The following PRSS23 variants were observed in gnomAD, a reference collection of about 807,000 sequenced individuals.
PRSS23 encodes the protein serine protease 23, also known as protease, serine 23.
In PRSS23, 25 loss-of-function variants were observed where a neutral mutation model predicts 34.7. The ratio of observed to expected loss-of-function variants is 0.72; its 90% CI spans 0.53 to 1.01. The LOEUF (loss-of-function observed/expected upper bound fraction) is 1.01, where lower values mean the gene tolerates loss of function less well. Among genes scored for constraint, PRSS23 ranks in the 50% least tolerant of loss-of-function variants. PRSS23 has a pLI of 0.00. For missense variants in PRSS23, 445 were observed against 475.6 expected, an observed-to-expected ratio of 0.94 and a Z score of 0.60; for synonymous variants, 176 against 186.6, an observed-to-expected ratio of 0.94 and a Z score of 0.46.
At chr11:86,843,906 A>G (rs749192239) in intron 2 of PRSS23, among the ~76,000 whole-genome samples, 14 of 152,226 alleles carry the variant, frequency 9.2e-5, no homozygotes, top group African/African-American at 3.1e-4. Flanking sequence ...CAGCAATCCC[A>G]TTACTGGGTA....
chr11:86,907,881 A>AC, intron 2 of PRSS23, among the ~76,000 whole-genome samples: 1 of 151,888 alleles, frequency 6.6e-6, no homozygotes, highest in East Asian at 1.9e-4. Flanking sequence ...TAGCAGCTCT[A>AC]TTTTTCCCTA....
intron 2 of PRSS23, among the ~76,000 whole-genome samples, chr11:86,862,236 T>C (rs1323636450): frequency 6.6e-6 from 1 of 152,008 alleles, no homozygotes; most frequent in African/African-American, 2.4e-5. Flanking sequence ...TCACAGTGGG[T>C]GTACACCCTG....
intron 2 of PRSS23, among the ~76,000 whole-genome samples, chr11:86,848,804 C>T (rs1410147192): frequency 2.0e-5 from 3 of 152,204 alleles, no homozygotes; most frequent in Non-Finnish European, 4.4e-5. Context: ...AAGAGAAAGG[C>T]TGCAGCCTTA....
chr11:86,798,222 T>C (rs1947994022), upstream of PRSS23, among the ~76,000 whole-genome samples: 1 of 152,214 alleles, frequency 6.6e-6, no homozygotes, highest in Non-Finnish European at 1.5e-5. Context: ...TCTTTAAAAT[T>C]TTTATAATAA....
chr11:86,808,078 G>A lies in PRSS23; in HGVS notation c.435G>A (p.Leu145=). Residue 145 remains leucine, a synonymous_variant, in exon 2 of 2, where the codon CTG becomes CTA. Coordinates refer to ENST00000280258, the MANE Select transcript of PRSS23 (RefSeq NM_007173.6). ...TCAGCATTTTTGGGAAGGACTTCCTGCTCAACTACCCTTTCTCAACATCAG... is the reference window on the plus strand; with the variant it reads ...TCAGCATTTTTGGGAAGGACTTCCTACTCAACTACCCTTTCTCAACATCAG... ...SRFSIFGKDF[L]LNYPFSTSVK... is the part of the protein sequence containing the mutation. 1 of 1,614,116 alleles carries A rather than the reference G, an allele frequency of 6.2e-7. No individual in the cohort carries two copies. The highest frequency in any genetic ancestry group is 1.3e-5 in the African/African-American group (1 of 75,008).
At chr11:86,821,862 A>G in intron 1 of PRSS23, 2 of 416,268 alleles carry the variant, frequency 4.8e-6, no homozygotes, top group Admixed American at 4.1e-5. Flanking sequence ...AAGTAAGAGT[A>G]CCAATAATTT....
chr11:86,880,676 T>A (rs1317225171), intron 2 of PRSS23, among the ~76,000 whole-genome samples: 1 of 152,118 alleles, frequency 6.6e-6, no homozygotes, highest in Non-Finnish European at 1.5e-5. Context: ...GGCCCTGGTG[T>A]GTTGTTCCCC....
At chr11:86,893,258 A>G (rs1479096391) in intron 2 of PRSS23, among the ~76,000 whole-genome samples, 1 of 152,252 alleles carries the variant, frequency 6.6e-6, no homozygotes, top group African/African-American at 2.4e-5. Flanking sequence ...GGCCTCCAGA[A>G]GTATGAGAGA....
At chr11:86,817,083 T>TG in intron 1 of PRSS23, among the ~76,000 whole-genome samples, 1 of 152,354 alleles carries the variant, frequency 6.6e-6, no homozygotes. Flanking sequence ...CTATATTTTT[T>TG]CAAATGGCCT....
intron 2 of PRSS23, among the ~76,000 whole-genome samples, chr11:86,825,051 C>T (rs1362748726): frequency 6.6e-6 from 1 of 152,070 alleles, no homozygotes; most frequent in Non-Finnish European, 1.5e-5. Flanking sequence ...TGAGGAATCG[C>T]CACACTGTCT....
intron 2 of PRSS23, among the ~76,000 whole-genome samples, chr11:86,862,495 T>C (rs12421824): frequency 0.12 from 17,958 of 152,038 alleles, 1,246 homozygotes; most frequent in East Asian, 0.19. Flanking sequence ...GTGTACACTC[T>C]GTGATAATAT....
intron 2 of PRSS23, among the ~76,000 whole-genome samples, chr11:86,901,764 G>T (rs1948913379): frequency 6.6e-6 from 1 of 152,124 alleles, no homozygotes. Flanking sequence ...TACAGACCTT[G>T]CTCACATAGT....
intron 1 of PRSS23, among the ~76,000 whole-genome samples, chr11:86,817,126 A>G (rs1011558167): frequency 2.0e-5 from 3 of 147,602 alleles, no homozygotes; most frequent in African/African-American, 7.6e-5. Context: ...TTTGAGGGGC[A>G]AGAAAGCCTT....
In PRSS23 at chr11:86,927,296, A is replaced by C. The variant is rs558871233; in HGVS notation, c.207-23920A>C. ...AGAAATTGCATCTTAGGGAGAAGAC[A>C]GTCTCACAGCTAATATCAGAGCTAA... On this transcript the variant is annotated intron_variant, in intron 2 of 2. Coordinates refer to the PRSS23 transcript ENST00000533902. Among the ~76,000 whole-genome samples the C allele has an allele frequency of 2.0e-5, 3 of 152,298 alleles. No homozygotes were observed. The South Asian group carries it at 6.2e-4, about 32-fold the overall frequency.
intron 2 of PRSS23, among the ~76,000 whole-genome samples, chr11:86,847,039 A>G (rs1271421513): frequency 6.6e-6 from 1 of 152,170 alleles, no homozygotes; most frequent in Non-Finnish European, 1.5e-5. Context: ...TTGTTGTTTC[A>G]ACCATTTAAT....
At chr11:86,847,141 A>G (rs1948492364) in intron 2 of PRSS23, among the ~76,000 whole-genome samples, 1 of 151,506 alleles carries the variant, frequency 6.6e-6, no homozygotes, top group East Asian at 1.9e-4. Flanking sequence ...GCAAGTGGGG[A>G]CAGAAGGCTA....
chr11:86,867,148 G>A (rs1275814784), intron 2 of PRSS23, among the ~76,000 whole-genome samples: 1 of 152,170 alleles, frequency 6.6e-6, no homozygotes, highest in African/African-American at 2.4e-5. Flanking sequence ...ATATACTAGT[G>A]AGTTTCTATA....
At chr11:86,796,613 C>G (rs1376411000), upstream of PRSS23, among the ~76,000 whole-genome samples, 2 of 126,806 alleles carry the variant, frequency 1.6e-5, no homozygotes, top group African/African-American at 6.1e-5. Flanking sequence ...TGCACTCCAG[C>G]CTGGGCGACA....
At chr11:86,807,383 A>G (rs541842293) in intron 1 of PRSS23, among the ~76,000 whole-genome samples, 12 of 152,264 alleles carry the variant, frequency 7.9e-5, no homozygotes, top group African/African-American at 2.4e-4. Context: ...ATCATTAGGG[A>G]CATCTTAAAC....
Sources: allele counts gnomAD v4.1 joint callset (sites outside exome capture counted in the v4.1 genomes callset), GRCh38; gene constraint gnomAD v4.1.1; transcripts MANE v1.5; gene names NCBI Gene and HGNC (gene_info 2026-07-23, HGNC 2026-07-21).